Variants in ERBB4 observed in about 807,000 individuals in gnomAD.
The protein encoded by ERBB4 is erb-b2 receptor tyrosine kinase 4, also known as receptor tyrosine-protein kinase erbB-4.
In ERBB4, 42 loss-of-function variants were observed where a neutral mutation model predicts 158.0. The ratio of observed to expected loss-of-function variants is 0.27; its 90% CI spans 0.21 to 0.34. ERBB4 has a LOEUF of 0.34. Among genes scored for constraint, ERBB4 ranks in the 10% least tolerant of loss-of-function variants. ERBB4 has a pLI of 1.00. For synonymous variants in ERBB4, 583 were observed against 558.7 expected (o/e 1.04, Z -0.61); for missense variants, 1,333 against 1,624.1 (o/e 0.82, Z 3.08).
At chr2:212,275,362 T>C (rs2106131137) in intron 1 of ERBB4, among the ~76,000 whole-genome samples, 1 of 152,108 alleles carries the variant, frequency 6.6e-6, no homozygotes, top group Admixed American at 6.6e-5. Context: ...TCTCCCACAA[T>C]GGTTGAACTC....
At chr2:211,823,607 T>G (rs760444738) in intron 3 of ERBB4, among the ~76,000 whole-genome samples, 1 of 152,032 alleles carries the variant, frequency 6.6e-6, no homozygotes, top group Admixed American at 6.6e-5. Context: ...TGTAATCTTA[T>G]CTAACTTAAA....
At chr2:212,067,315 C>T (rs62183406) in intron 2 of ERBB4, among the ~76,000 whole-genome samples, 3 of 151,844 alleles carry the variant, frequency 2.0e-5, no homozygotes, top group Non-Finnish European at 2.9e-5. Context: ...CTGGTCTTCC[C>T]ATGATTATCT....
intron 1 of ERBB4, among the ~76,000 whole-genome samples, chr2:212,264,594 C>A (rs918758487): frequency 6.6e-5 from 10 of 152,038 alleles, no homozygotes; most frequent in African/African-American, 2.4e-4. Context: ...TAGGCATTGT[C>A]ATTCTGCTTT....
intron 3 of ERBB4, among the ~76,000 whole-genome samples, chr2:211,883,393 A>G (rs533618123): frequency 5.9e-5 from 9 of 152,278 alleles, no homozygotes; most frequent in South Asian, 4.1e-4. Context: ...ACATGTATAC[A>G]TATGTAACAA....
chr2:212,002,178 C>A (rs1015720537), intron 2 of ERBB4, among the ~76,000 whole-genome samples: 2 of 152,026 alleles, frequency 1.3e-5, no homozygotes, highest in Non-Finnish European at 2.9e-5. Context: ...TAAGTAAATC[C>A]AAGATAAGAC....
intron 3 of ERBB4, among the ~76,000 whole-genome samples, chr2:211,913,849 A>G (rs2079609911): frequency 6.6e-6 from 1 of 151,796 alleles, no homozygotes; most frequent in Non-Finnish European, 1.5e-5. Context: ...CTTTGTGATT[A>G]AACATATAAA....
intron 5 of ERBB4, among the ~76,000 whole-genome samples, chr2:211,735,913 G>A (rs1179956856): frequency 6.6e-6 from 1 of 151,888 alleles, no homozygotes; most frequent in Non-Finnish European, 1.5e-5. Context: ...AGCACTTTGG[G>A]AGGCTGAGGC....
chr2:211,526,871 A>G (rs1455271764), intron 20 of ERBB4, among the ~76,000 whole-genome samples: 1 of 152,130 alleles, frequency 6.6e-6, no homozygotes, highest in East Asian at 1.9e-4. Context: ...GAGCTTGAAG[A>G]CACACTTTTT....
In ERBB4 at chr2:211,430,931, A is replaced by G. The variant is rs2063736250; in HGVS notation, c.2643+14T>C. The G allele has an allele frequency of 6.2e-7, 1 of 1,608,328 alleles. No homozygotes were observed. On this transcript the variant is annotated intron_variant, in intron 21 of 27. Transcript: ENST00000342788. ...TATATTTTCAAGCAAGATTGCTCTC[A>G]AAAAGATACCCACCTTTCCTCCATC...
intron 1 of ERBB4, among the ~76,000 whole-genome samples, chr2:212,411,360 TC>T (rs1355085054): frequency 6.6e-5 from 10 of 152,126 alleles, no homozygotes; most frequent in Non-Finnish European, 1.3e-4. Flanking sequence ...TTTTAGAAAT[TC>T]CCATTATATT....
rs958416759 is a variant in ERBB4, at chr2:211,476,297, T to C, written c.2488-45197A>G. Among the ~76,000 whole-genome samples, 5 of 152,174 alleles carry C rather than the reference T, an allele frequency of 3.3e-5. No homozygotes were observed. In the East Asian group the frequency reaches 7.7e-4, roughly 24 times the overall value. ...GTGATGAATACAAAAGCTAGAAAGA[T>C]ACAAGGACATGGTTTGATAGACATT... On this transcript the variant is annotated intron_variant, in intron 20 of 27. Transcript: ENST00000342788.
At position 211,870,969 on chromosome 2, in the gene ERBB4, A is replaced by G. The variant is rs1451115513; in HGVS notation, c.421+76461T>C. ...TGGCACAAGGCCCTGGCATAAATTT[A>G]AATAAGACCTAGAAATTCTAAAAGT... On this transcript the variant is annotated intron_variant, in intron 3 of 27. Transcript: ENST00000342788. Among the ~76,000 whole-genome samples the G allele has an allele frequency of 2.6e-5, 4 of 152,210 alleles. No individual in the cohort carries two copies. The East Asian group carries it at 7.7e-4, about 29-fold the overall frequency.
intron 1 of ERBB4, among the ~76,000 whole-genome samples, chr2:212,169,777 C>A (rs1347028271): frequency 2.0e-5 from 3 of 152,222 alleles, no homozygotes; most frequent in Middle Eastern, 3.4e-3. Flanking sequence ...CTCATGAGAT[C>A]TGATGATTTA....
intron 1 of ERBB4, among the ~76,000 whole-genome samples, chr2:212,387,811 T>C (rs1227671813): frequency 6.6e-6 from 1 of 152,108 alleles, no homozygotes; most frequent in East Asian, 1.9e-4. Context: ...TGTATATGCT[T>C]TGATTTTTCA....
chr2:212,276,225 G>A lies in ERBB4; in HGVS notation c.83-151322C>T, dbSNP rs1278427315. 2.0e-5 allele frequency among the ~76,000 whole-genome samples: 3 copies of A among 151,680 alleles called. No homozygotes were observed. In the South Asian group the frequency reaches 6.2e-4, roughly 31 times the overall value. On this transcript the variant is annotated intron_variant, in intron 1 of 27. Transcript: ENST00000342788. ...GGTTGACCAGAATGCCTAGAACATA[G>A]TAGTCAAAAAGGATTTTTAATTTAA...
chr2:212,373,890 CAT>C lies in ERBB4; in HGVS notation c.82+164557_82+164558del, dbSNP rs71054200. ...ATATATATATATCCATGTATATATC[CAT>C]ATATATATATCCATGTATATATCCA... is the stretch of plus-strand genomic sequence containing the variant. On this transcript the variant is annotated intron_variant, in intron 1 of 27. Coordinates refer to ENST00000342788, the MANE Select transcript of ERBB4 (RefSeq NM_005235.3). 4.7e-3 allele frequency among the ~76,000 whole-genome samples: 465 copies of C among 98,590 alleles called. 54 individuals are homozygous for C. Among genetic ancestry groups the C allele is most frequent in the African/African-American group, 0.015 (414 of 27,216 alleles). 64.7% of individuals were successfully genotyped at this position (98,590 alleles called of 152,430 possible).
At chr2:211,696,001 C>T (rs2073007080) in intron 12 of ERBB4, among the ~76,000 whole-genome samples, 1 of 147,064 alleles carries the variant, frequency 6.8e-6, no homozygotes, top group African/African-American at 2.5e-5. Flanking sequence ...CCTTCCCTTC[C>T]CTTCCTTCCT....
At chr2:211,813,585 T>C (rs2076809664) in intron 3 of ERBB4, among the ~76,000 whole-genome samples, 1 of 152,224 alleles carries the variant, frequency 6.6e-6, no homozygotes, top group African/African-American at 2.4e-5. Flanking sequence ...ATGTTTTTAA[T>C]CATGTCATTA....
chr2:212,400,515 A>G (rs2091172305), intron 1 of ERBB4, among the ~76,000 whole-genome samples: 1 of 152,178 alleles, frequency 6.6e-6, no homozygotes, highest in Admixed American at 6.6e-5. Context: ...CCTGATACCT[A>G]AAAGAGTTCT....
Sources: gnomAD v4.1 joint callset for allele counts (sites outside exome capture counted in the v4.1 genomes callset) on GRCh38, gnomAD v4.1.1 for gene constraint, MANE v1.5 for transcripts, NCBI Gene and HGNC (gene_info 2026-07-23, HGNC 2026-07-21) for gene names.